The following CA10 variants were observed in gnomAD, a reference collection of about 807,000 sequenced individuals.
The protein encoded by CA10 is carbonic anhydrase 10 (inactive).
A neutral mutation model predicts 44.2 loss-of-function variants in CA10; 14 were observed. That is an observed-to-expected ratio of 0.32 (90% CI 0.21 to 0.50). CA10 has a LOEUF of 0.50. CA10 is among the 20% of genes least tolerant of loss of function. CA10 has a pLI of 0.99. For missense variants in CA10, 350 were observed against 409.7 expected, an observed-to-expected ratio of 0.85 and a Z score of 1.26; for synonymous variants, 159 against 141.6, an observed-to-expected ratio of 1.12 and a Z score of -0.87.
intron 1 of CA10, among the ~76,000 whole-genome samples, chr17:52,137,801 C>T (rs1417544705): frequency 6.6e-6 from 1 of 152,180 alleles, no homozygotes; most frequent in East Asian, 1.9e-4. Flanking sequence ...GTTTACCCAA[C>T]CTAGCTTTAG....
intron 2 of CA10, among the ~76,000 whole-genome samples, chr17:51,988,566 C>G (rs536265315): frequency 7.6e-4 from 116 of 151,800 alleles, no homozygotes; most frequent in African/African-American, 2.4e-3. Flanking sequence ...AACTGTCATG[C>G]AGTAAATATG....
intron 2 of CA10, among the ~76,000 whole-genome samples, chr17:51,995,155 C>T (rs773979832): frequency 3.3e-5 from 5 of 151,944 alleles, no homozygotes; most frequent in Non-Finnish European, 7.4e-5. Flanking sequence ...GGTTGATACA[C>T]AAAGTTATCA....
intron 2 of CA10, among the ~76,000 whole-genome samples, chr17:51,997,302 C>T (rs7215008): frequency 0.31 from 47,433 of 151,958 alleles, 8,976 homozygotes; most frequent in East Asian, 0.73. Flanking sequence ...CCATACCTAG[C>T]GCTGTTTTGT....
intron 1 of CA10, among the ~76,000 whole-genome samples, chr17:52,121,591 G>A (rs1470859962): frequency 6.6e-6 from 1 of 151,632 alleles, no homozygotes; most frequent in East Asian, 1.9e-4. Flanking sequence ...AAGAATTGCA[G>A]CCCCTCAGTA....
At chr17:52,152,259 A>G (rs1197598856) in intron 1 of CA10, among the ~76,000 whole-genome samples, 1 of 152,174 alleles carries the variant, frequency 6.6e-6, no homozygotes, top group Admixed American at 6.6e-5. Context: ...GAATCCATTG[A>G]ACCGTTGCAA....
At chr17:51,880,556 C>T (rs1408126127) in intron 3 of CA10, among the ~76,000 whole-genome samples, 1 of 152,100 alleles carries the variant, frequency 6.6e-6, no homozygotes, top group Non-Finnish European at 1.5e-5. Context: ...CCTGCCTCAG[C>T]CTTTCAAAGT....
intron 1 of CA10, among the ~76,000 whole-genome samples, chr17:52,153,007 T>C (rs1187062297): frequency 6.6e-6 from 1 of 152,158 alleles, no homozygotes; most frequent in Non-Finnish European, 1.5e-5. Context: ...TTATGATACC[T>C]AGATCTCTTT....
At chr17:51,771,527 G>T (rs1373433137) in intron 3 of CA10, among the ~76,000 whole-genome samples, 2 of 152,138 alleles carry the variant, frequency 1.3e-5, no homozygotes, top group Non-Finnish European at 2.9e-5. Flanking sequence ...CTCTGTAATG[G>T]CTATGTTGGG....
intron 3 of CA10, among the ~76,000 whole-genome samples, chr17:51,803,281 C>A (rs911810053): frequency 2.6e-5 from 4 of 152,158 alleles, no homozygotes; most frequent in Non-Finnish European, 5.9e-5. Context: ...GTGGCCCTAC[C>A]TTCCATCCTC....
chr17:51,733,321 TG>T (rs1916786074), intron 4 of CA10, among the ~76,000 whole-genome samples: 1 of 152,162 alleles, frequency 6.6e-6, no homozygotes, highest in South Asian at 2.1e-4. Flanking sequence ...CTGGCTCCAT[TG>T]AAAGCCACGC....
intron 4 of CA10, among the ~76,000 whole-genome samples, chr17:51,700,866 A>G (rs1915575650): frequency 6.6e-6 from 1 of 152,118 alleles, no homozygotes; most frequent in African/African-American, 2.4e-5. Flanking sequence ...GAGCTGAACA[A>G]TGAGAACACA....
chr17:51,813,363 T>C (rs1172355411), intron 3 of CA10, among the ~76,000 whole-genome samples: 1 of 152,216 alleles, frequency 6.6e-6, no homozygotes, highest in African/African-American at 2.4e-5. Context: ...TTGGCATAAA[T>C]CCGTTGGCTT....
chr17:52,106,229 C>A lies in CA10; in HGVS notation c.62-33836G>T, dbSNP rs151220718. 8.3e-4 allele frequency among the ~76,000 whole-genome samples: 126 copies of A among 152,270 alleles called. 2 individuals carry two copies. Among genetic ancestry groups the A allele is most frequent in the Non-Finnish European group, 1.5e-4 (10 of 68,024 alleles). On this transcript the variant is annotated intron_variant, in intron 1 of 8. Coordinates refer to ENST00000451037, the MANE Select transcript of CA10 (RefSeq NM_020178.5). Reference sequence around the variant, plus strand: ...ACTGATTTTGCCTGTGACTCAAGATCGTGAAAGTCTTCCTGACCACGGGGC... The same window carrying A: ...ACTGATTTTGCCTGTGACTCAAGATAGTGAAAGTCTTCCTGACCACGGGGC...
At chr17:51,670,069 C>A (rs1461445631) in intron 4 of CA10, among the ~76,000 whole-genome samples, 2 of 152,188 alleles carry the variant, frequency 1.3e-5, no homozygotes, top group Non-Finnish European at 2.9e-5. Context: ...GTAAGATGTT[C>A]CCTTTGCTCT....
chr17:51,711,072 C>T (rs747286772), intron 4 of CA10, among the ~76,000 whole-genome samples: 8 of 151,778 alleles, frequency 5.3e-5, no homozygotes, highest in African/African-American at 1.2e-4. Context: ...AAACTTGAAG[C>T]GAAACTTGCA....
chr17:51,723,387 A>G (rs1179553941), intron 4 of CA10, among the ~76,000 whole-genome samples: 2 of 152,190 alleles, frequency 1.3e-5, no homozygotes, highest in African/African-American at 4.8e-5. Context: ...CAAGAAAAGG[A>G]TGGATTCCGT....
chr17:51,717,363 T>G (rs979997187), intron 4 of CA10, among the ~76,000 whole-genome samples: 7 of 151,760 alleles, frequency 4.6e-5, no homozygotes, highest in Non-Finnish European at 8.8e-5. Flanking sequence ...AAATGAACCA[T>G]GTGATTAAAA....
intron 3 of CA10, among the ~76,000 whole-genome samples, chr17:51,820,405 A>ACCCCCCCCCCCCCCCCCCCC (rs748623140): frequency 2.6e-5 from 1 of 39,172 alleles, no homozygotes; most frequent in Non-Finnish European, 4.1e-5. Flanking sequence ...GGATTCCCCT[A>ACCCCCCCCCCCCCCCCCCCC]CCCCCCCCCC....
chr17:52,068,139 CCCATAATAT>C (rs1163161290), intron 2 of CA10, among the ~76,000 whole-genome samples: 1 of 151,948 alleles, frequency 6.6e-6, no homozygotes, highest in African/African-American at 2.4e-5. Context: ...AATTATAATC[CCCATAATAT>C]CCACATTTCA....
Sources: allele counts gnomAD v4.1 joint callset (sites outside exome capture counted in the v4.1 genomes callset), GRCh38; gene constraint gnomAD v4.1.1; transcripts MANE v1.5; gene names NCBI Gene and HGNC (gene_info 2026-07-23, HGNC 2026-07-21).